REDIC1: variants seen among roughly 807,000 people sequenced by gnomAD.
REDIC1 encodes the protein HEI10 Interacting Protein 1.
the REDIC1 span, among the ~76,000 whole-genome samples, chr12:39,892,097 C>A: frequency 2.0e-5 from 3 of 152,188 alleles, no homozygotes; most frequent in Admixed American, 6.5e-5. Flanking sequence ...AAAAAGCATT[C>A]ATTCTACTGC....
the REDIC1 span, among the ~76,000 whole-genome samples, chr12:39,718,231 G>A: frequency 1.8e-3 from 280 of 152,112 alleles, no homozygotes; most frequent in African/African-American, 6.0e-3. Flanking sequence ...AATGTATAAT[G>A]AACCTTAAAG....
chr12:39,742,945 A>G, the REDIC1 span, among the ~76,000 whole-genome samples: 1 of 152,174 alleles, frequency 6.6e-6, no homozygotes, highest in African/African-American at 2.4e-5. Flanking sequence ...AAACTGTAAT[A>G]GGCAAATTGC....
the REDIC1 span, among the ~76,000 whole-genome samples, chr12:39,746,685 C>A: frequency 6.6e-6 from 1 of 152,216 alleles, no homozygotes; most frequent in African/African-American, 2.4e-5. Flanking sequence ...CAAGTAGGGG[C>A]AGACTGACAC....
the REDIC1 span, chr12:39,757,898 TTTGA>T: frequency 6.6e-6 from 1 of 152,194 alleles, no homozygotes; most frequent in Non-Finnish European, 1.5e-5. Context: ...AGGCAATTAT[TTTGA>T]TTAAGTCCAA....
the REDIC1 span, among the ~76,000 whole-genome samples, chr12:39,798,198 C>T: frequency 7.2e-5 from 11 of 152,262 alleles, no homozygotes; most frequent in East Asian, 9.7e-4. Context: ...GCCAGGCACA[C>T]GAGGAAGCCA....
At chr12:39,800,255 T>G in the REDIC1 span, among the ~76,000 whole-genome samples, 1 of 152,200 alleles carries the variant, frequency 6.6e-6, no homozygotes, top group Non-Finnish European at 1.5e-5. Context: ...CTAGAATCTC[T>G]TCTGAGAATA....
At chr12:39,704,850 C>G in the REDIC1 span, among the ~76,000 whole-genome samples, 1 of 151,894 alleles carries the variant, frequency 6.6e-6, no homozygotes, top group Non-Finnish European at 1.5e-5. Flanking sequence ...CATATTCTCA[C>G]TCATAGGTGG....
chr12:39,637,454 G>A, the REDIC1 span, among the ~76,000 whole-genome samples: 1 of 151,970 alleles, frequency 6.6e-6, no homozygotes, highest in African/African-American at 2.4e-5. Context: ...TAAGTTTCAA[G>A]ACAAAAATTA....
the REDIC1 span, among the ~76,000 whole-genome samples, chr12:39,639,450 G>A: frequency 2.6e-5 from 4 of 152,084 alleles, no homozygotes; most frequent in East Asian, 7.7e-4. Context: ...TCAATAAGTA[G>A]CAAAGTCAGG....
chr12:39,884,793 A>T, the REDIC1 span, among the ~76,000 whole-genome samples: 893 of 152,330 alleles, frequency 5.9e-3, 10 homozygotes, highest in African/African-American at 0.021. Context: ...AATTAGCCAC[A>T]GTACTGTTTC....
chr12:39,774,584 C>CT, the REDIC1 span, among the ~76,000 whole-genome samples: 4,152 of 130,180 alleles, frequency 0.032, 69 homozygotes, highest in Non-Finnish European at 0.039. Flanking sequence ...ATTGTCCAGC[C>CT]TTTTTTTTTT....
At chr12:39,662,673 TAGGAGTGGTGA>T in the REDIC1 span, among the ~76,000 whole-genome samples, 19 of 152,204 alleles carry the variant, frequency 1.2e-4, 1 homozygote, top group Admixed American at 1.1e-3. Context: ...CCATGTTGAA[TAGGAGTGGTGA>T]AAGAGCATCT....
At chr12:39,838,426 G>T in the REDIC1 span, among the ~76,000 whole-genome samples, 1 of 147,612 alleles carries the variant, frequency 6.8e-6, no homozygotes, top group African/African-American at 2.5e-5. Context: ...CACCAGCATG[G>T]CACATGTATA....
chr12:39,658,642 A>G, the REDIC1 span, among the ~76,000 whole-genome samples: 7 of 152,102 alleles, frequency 4.6e-5, no homozygotes, highest in Non-Finnish European at 7.4e-5. Flanking sequence ...TGCTGTTTGC[A>G]TTTTGTCCAT....
chr12:39,647,831 T>C, the REDIC1 span: 6 of 1,604,622 alleles, frequency 3.7e-6, no homozygotes, highest in Non-Finnish European at 4.3e-6. Flanking sequence ...TCACCCTCAG[T>C]TCAGCAAAAT....
the REDIC1 span, among the ~76,000 whole-genome samples, chr12:39,752,225 C>G: frequency 6.6e-6 from 1 of 152,146 alleles, no homozygotes; most frequent in African/African-American, 2.4e-5. Flanking sequence ...AGCCACACAG[C>G]AGGAGGTGAG....
chr12:39,766,814 C>T, the REDIC1 span, among the ~76,000 whole-genome samples: 1 of 152,040 alleles, frequency 6.6e-6, no homozygotes, highest in Admixed American at 6.6e-5. Flanking sequence ...CTTATCCGTT[C>T]AAGTTTTATC....
the REDIC1 span, among the ~76,000 whole-genome samples, chr12:39,664,300 C>T: frequency 1.3e-5 from 2 of 150,072 alleles, no homozygotes; most frequent in South Asian, 4.3e-4. Flanking sequence ...TGTTCAATTC[C>T]CACCTATGAG....
At chr12:39,899,345 A>G in the REDIC1 span, among the ~76,000 whole-genome samples, 113 of 152,084 alleles carry the variant, frequency 7.4e-4, no homozygotes, top group African/African-American at 2.6e-3. Flanking sequence ...TATCATTTTT[A>G]TTGCATCTAT....
Sources: gnomAD v4.1 joint callset for allele counts (sites outside exome capture counted in the v4.1 genomes callset) on GRCh38, gnomAD v4.1.1 for gene constraint, MANE v1.5 for transcripts, NCBI Gene and HGNC (gene_info 2026-07-23, HGNC 2026-07-21) for gene names.